PDE1A: variants seen among roughly 807,000 people sequenced by gnomAD.
PDE1A encodes the protein dual specificity calcium/calmodulin-dependent 3',5'-cyclic nucleotide phosphodiesterase 1A.
PDE1A carries 35 observed loss-of-function variants against 61.7 expected under a neutral mutation model. The observed-to-expected ratio is 0.57, with a 90% CI of 0.43 to 0.75. The LOEUF is 0.75. PDE1A is among the 30% of genes least tolerant of loss of function. PDE1A has a pLI of 0.00. For missense variants in PDE1A, 597 were observed against 630.6 expected, an observed-to-expected ratio of 0.95 and a Z score of 0.57; for synonymous variants, 232 against 213.2, an observed-to-expected ratio of 1.09 and a Z score of -0.77.
chr2:182,471,836 T>C (rs1226307235), intron 2 of PDE1A, among the ~76,000 whole-genome samples: 1 of 151,772 alleles, frequency 6.6e-6, no homozygotes, highest in Non-Finnish European at 1.5e-5. Flanking sequence ...GGACAGAATG[T>C]ATAAGGAACT....
At chr2:182,367,962 C>G (rs1239500809) in intron 1 of PDE1A, among the ~76,000 whole-genome samples, 2 of 152,016 alleles carry the variant, frequency 1.3e-5, no homozygotes, top group Admixed American at 1.3e-4. Context: ...CTCTGTCTTT[C>G]TTTTACTTTT....
At chr2:182,356,301 G>GA (rs1699175320) in intron 1 of PDE1A, among the ~76,000 whole-genome samples, 2 of 151,280 alleles carry the variant, frequency 1.3e-5, no homozygotes, top group Non-Finnish European at 2.9e-5. Context: ...TCTAGTTAGT[G>GA]AAAAAAAATC....
rs527250210 is a variant in PDE1A at position 182,491,879 on chromosome 2, G to A, written c.101+30397C>T. On this transcript the variant is annotated intron_variant, in intron 2 of 14. Transcript: ENST00000410103. ...CTTATTTCTCTATGCACTTGCAGAG[G>A]ACCACTCAGGCTTTTTATCTCATTC... Among the ~76,000 whole-genome samples the A allele has an allele frequency of 2.0e-5, 3 of 152,174 alleles. 1 individual carries two copies. Among genetic ancestry groups the A allele is most frequent in the African/African-American group, 7.2e-5 (3 of 41,526 alleles).
At chr2:182,711,242 C>T in the PDE1A span, among the ~76,000 whole-genome samples, 130 of 152,074 alleles carry the variant, frequency 8.5e-4, 1 homozygote, top group Admixed American at 2.2e-3. Flanking sequence ...TATAAGGTAG[C>T]GGGGCAATCA....
chr2:182,583,913 C>T, the PDE1A span, among the ~76,000 whole-genome samples: 5 of 152,178 alleles, frequency 3.3e-5, no homozygotes, highest in South Asian at 1.0e-3. Flanking sequence ...TGATTTAAAA[C>T]TTGGAACTCA....
chr2:182,605,365 T>C, the PDE1A span, among the ~76,000 whole-genome samples: 3 of 152,074 alleles, frequency 2.0e-5, no homozygotes, highest in Non-Finnish European at 4.4e-5. Flanking sequence ...ACAGAAGTCA[T>C]TCCAGGCAGA....
At chr2:182,550,175 G>T in the PDE1A span, among the ~76,000 whole-genome samples, 1 of 152,144 alleles carries the variant, frequency 6.6e-6, no homozygotes, top group African/African-American at 2.4e-5. Flanking sequence ...TATAAATAAA[G>T]AAAGTAAATG....
downstream of PDE1A, among the ~76,000 whole-genome samples, chr2:182,145,427 G>A (rs900522848): frequency 2.1e-4 from 32 of 152,044 alleles, no homozygotes; most frequent in African/African-American, 7.0e-4. Flanking sequence ...TGAGCGGGCC[G>A]CACACAAATG....
intron 1 of PDE1A, among the ~76,000 whole-genome samples, chr2:182,405,337 T>G (rs1432926322): frequency 6.6e-6 from 1 of 152,254 alleles, no homozygotes. Context: ...AAGACACAGC[T>G]GCTATTGCAA....
At chr2:182,275,151 G>T (rs557619132) in intron 1 of PDE1A, among the ~76,000 whole-genome samples, 3 of 152,044 alleles carry the variant, frequency 2.0e-5, no homozygotes, top group Non-Finnish European at 4.4e-5. Flanking sequence ...GGTCAAAAGA[G>T]GGAGGCAGGA....
chr2:182,195,659 GCTTCTTAGTAC>G (rs771332837), intron 10 of PDE1A, among the ~76,000 whole-genome samples: 14 of 152,040 alleles, frequency 9.2e-5, no homozygotes, highest in Non-Finnish European at 2.1e-4. Flanking sequence ...ACAGTATTTA[GCTTCTTAGTAC>G]CTTCCAAAGG....
chr2:182,587,160 A>G, the PDE1A span, among the ~76,000 whole-genome samples: 1 of 152,184 alleles, frequency 6.6e-6, no homozygotes, highest in African/African-American at 2.4e-5. Context: ...GGGCACAGAG[A>G]ACAGTAAGCA....
At chr2:182,170,285 G>A (rs1692073375) in intron 13 of PDE1A, among the ~76,000 whole-genome samples, 2 of 151,980 alleles carry the variant, frequency 1.3e-5, no homozygotes, top group African/African-American at 2.4e-5. Context: ...AGAGTTAGCT[G>A]TAATTTTTTT....
intron 1 of PDE1A, among the ~76,000 whole-genome samples, chr2:182,356,523 G>A (rs781132996): frequency 1.3e-5 from 2 of 152,076 alleles, no homozygotes; most frequent in Non-Finnish European, 2.9e-5. Flanking sequence ...CCCGAAGCAG[G>A]CGGATCACTG....
intron 1 of PDE1A, among the ~76,000 whole-genome samples, chr2:182,419,181 A>G (rs1703112219): frequency 6.6e-6 from 1 of 152,188 alleles, no homozygotes; most frequent in Non-Finnish European, 1.5e-5. Context: ...ATTTCCTGAC[A>G]CTGGAATAAT....
At chr2:182,466,808 A>G (rs1434156589) in intron 2 of PDE1A, among the ~76,000 whole-genome samples, 4 of 152,010 alleles carry the variant, frequency 2.6e-5, no homozygotes, top group African/African-American at 9.7e-5. Flanking sequence ...AGAGTTGTGA[A>G]GTAAACCAAA....
At chr2:182,417,029 T>C (rs1702959849) in intron 1 of PDE1A, among the ~76,000 whole-genome samples, 1 of 152,144 alleles carries the variant, frequency 6.6e-6, no homozygotes, top group Non-Finnish European at 1.5e-5. Flanking sequence ...TGGGTGACAA[T>C]ACACAGTCAC....
chr2:182,654,064 T>C, the PDE1A span, among the ~76,000 whole-genome samples: 1 of 152,290 alleles, frequency 6.6e-6, no homozygotes, highest in South Asian at 2.1e-4. Flanking sequence ...ATAATACCTG[T>C]GGAAAATAGT....
chr2:182,669,881 T>G, the PDE1A span, among the ~76,000 whole-genome samples: 1 of 152,204 alleles, frequency 6.6e-6, no homozygotes, highest in Non-Finnish European at 1.5e-5. Context: ...AACCCAGAGA[T>G]TCATTCCTTG....
Sources: allele counts gnomAD v4.1 joint callset (sites outside exome capture counted in the v4.1 genomes callset), GRCh38; gene constraint gnomAD v4.1.1; transcripts MANE v1.5; gene names NCBI Gene and HGNC (gene_info 2026-07-23, HGNC 2026-07-21).